The following GALNT17 variants were observed in gnomAD, a reference collection of about 807,000 sequenced individuals.
The protein encoded by GALNT17 is UDP-GalNAc:polypeptide N-acetylgalactosaminyltransferase-like 3.
GALNT17 carries 29 observed loss-of-function variants against 63.7 expected under a neutral mutation model. That is an observed-to-expected ratio of 0.46 (90% CI 0.34 to 0.62). The LOEUF (loss-of-function observed/expected upper bound fraction) is 0.62. GALNT17 is among the 20% of genes least tolerant of loss of function. The probability of loss-of-function intolerance (pLI) is 0.01; values close to 1 mark genes in which losing one functional copy is unlikely to be tolerated. For missense variants in GALNT17, 603 were observed against 799.6 expected, an observed-to-expected ratio of 0.75 and a Z score of 2.97; for synonymous variants, 305 against 318.3, an observed-to-expected ratio of 0.96 and a Z score of 0.45.
At chr7:71,247,457 C>CT (rs1189823073) in intron 1 of GALNT17, among the ~76,000 whole-genome samples, 3 of 151,198 alleles carry the variant, frequency 2.0e-5, no homozygotes, top group Admixed American at 6.6e-5. Context: ...TAATAGTCTA[C>CT]TTTTTTTTTC....
chr7:71,539,683 T>C (rs530524587), intron 5 of GALNT17, among the ~76,000 whole-genome samples: 3 of 151,230 alleles, frequency 2.0e-5, no homozygotes, highest in East Asian at 2.0e-4. Flanking sequence ...TGGACACATA[T>C]CTATTTCAGG....
chr7:71,426,658 C>A (rs1006774062), intron 5 of GALNT17, among the ~76,000 whole-genome samples: 1 of 152,162 alleles, frequency 6.6e-6, no homozygotes, highest in African/African-American at 2.4e-5. Context: ...CGGTGGCTCA[C>A]ACCTTTAATC....
intron 9 of GALNT17, among the ~76,000 whole-genome samples, chr7:71,682,029 C>T (rs952487317): frequency 4.6e-5 from 7 of 152,054 alleles, no homozygotes; most frequent in Non-Finnish European, 8.8e-5. Context: ...TGGGTTCAGG[C>T]GATTCTCCTG....
intron 6 of GALNT17, among the ~76,000 whole-genome samples, chr7:71,656,987 AG>A (rs1790837816): frequency 6.6e-6 from 1 of 152,210 alleles, no homozygotes; most frequent in Non-Finnish European, 1.5e-5. Context: ...CAGGGCACCC[AG>A]GGTTCTCAAT....
At position 71,670,120 on chromosome 7, in the gene GALNT17, C is replaced by T. The variant is rs769719468; in HGVS notation, c.1404+11C>T. 3 of 1,613,780 alleles carry T rather than the reference C, an allele frequency of 1.9e-6. No individual in the cohort carries two copies. The South Asian group carries it at 3.3e-5, about 18-fold the overall frequency. ...GTTGCTTACGGGGAGGTAATTCAGA[C>T]CGTGCATGCTTTTGGCTTGGAATGC... On this transcript the variant is annotated intron_variant, in intron 8 of 10. Transcript: ENST00000333538.
intron 2 of GALNT17, among the ~76,000 whole-genome samples, chr7:71,337,854 C>T (rs185728208): frequency 6.6e-6 from 1 of 151,638 alleles, no homozygotes; most frequent in Admixed American, 6.6e-5. Context: ...GGTGACAGAG[C>T]GAAACTCCAT....
At chr7:71,478,595 G>A (rs959137634) in intron 5 of GALNT17, among the ~76,000 whole-genome samples, 41 of 151,994 alleles carry the variant, frequency 2.7e-4, no homozygotes, top group African/African-American at 9.7e-4. Context: ...GGTTATCAGG[G>A]GTGAGCCACC....
At chr7:71,391,273 A>G (rs1264680707) in intron 3 of GALNT17, among the ~76,000 whole-genome samples, 1 of 152,134 alleles carries the variant, frequency 6.6e-6, no homozygotes, top group African/African-American at 2.4e-5. Context: ...CTCACTGCCA[A>G]TGGCGCACCC....
intron 1 of GALNT17, among the ~76,000 whole-genome samples, chr7:71,304,063 C>G (rs1424036976): frequency 6.6e-6 from 1 of 152,132 alleles, no homozygotes; most frequent in East Asian, 1.9e-4. Context: ...CAGAGCTTTT[C>G]ACTCTAATTT....
chr7:71,327,199 A>T (rs1159224938), intron 1 of GALNT17, among the ~76,000 whole-genome samples: 4 of 152,194 alleles, frequency 2.6e-5, no homozygotes, highest in Admixed American at 6.5e-5. Context: ...TTGGTAGTAC[A>T]TCAGTCCCTT....
At chr7:71,440,664 G>A (rs541002650) in intron 5 of GALNT17, among the ~76,000 whole-genome samples, 96 of 152,224 alleles carry the variant, frequency 6.3e-4, no homozygotes, top group African/African-American at 2.0e-3. Context: ...GTGAGCCACC[G>A]CGCCTGGCCA....
intron 6 of GALNT17, among the ~76,000 whole-genome samples, chr7:71,625,593 G>T (rs560441186): frequency 6.1e-4 from 93 of 152,240 alleles, no homozygotes; most frequent in African/African-American, 2.2e-3. Context: ...GCCTGGGAAG[G>T]TTCTGATTGA....
intron 1 of GALNT17, among the ~76,000 whole-genome samples, chr7:71,331,566 G>T (rs1003684034): frequency 5.3e-5 from 8 of 152,176 alleles, no homozygotes; most frequent in African/African-American, 1.4e-4. Flanking sequence ...TAAAAAATTA[G>T]CTAGGTTAGT....
At chr7:71,630,617 C>T (rs545899184) in intron 6 of GALNT17, among the ~76,000 whole-genome samples, 1 of 152,260 alleles carries the variant, frequency 6.6e-6, no homozygotes, top group African/African-American at 2.4e-5. Flanking sequence ...TAAAAATCAG[C>T]CAGCAAATGG....
chr7:71,710,415 A>G (rs544345649), intron 9 of GALNT17, among the ~76,000 whole-genome samples: 27 of 152,164 alleles, frequency 1.8e-4, no homozygotes, highest in African/African-American at 6.3e-4. Flanking sequence ...GGCTGAGGCA[A>G]GAGAATTGCT....
intron 5 of GALNT17, among the ~76,000 whole-genome samples, chr7:71,430,174 T>G (rs1043558849): frequency 6.6e-6 from 1 of 152,142 alleles, no homozygotes. Flanking sequence ...CAAAAAAAAC[T>G]ACCATAAATT....
chr7:71,523,689 C>T (rs528427621), intron 5 of GALNT17, among the ~76,000 whole-genome samples: 1 of 151,356 alleles, frequency 6.6e-6, no homozygotes, highest in South Asian at 2.1e-4. Flanking sequence ...CTGCAGAGAG[C>T]TATGATTGTG....
chr7:71,507,170 G>A (rs988234160), intron 5 of GALNT17, among the ~76,000 whole-genome samples: 1 of 152,172 alleles, frequency 6.6e-6, no homozygotes, highest in Non-Finnish European at 1.5e-5. Flanking sequence ...GGAGGTCGAG[G>A]CTGCAGTGAG....
intron 6 of GALNT17, among the ~76,000 whole-genome samples, chr7:71,655,826 G>T (rs1050904683): frequency 6.6e-6 from 1 of 152,190 alleles, no homozygotes; most frequent in Admixed American, 6.5e-5. Flanking sequence ...AGAAGCATCA[G>T]GGTGGTTCTG....
Sources: allele counts gnomAD v4.1 joint callset (sites outside exome capture counted in the v4.1 genomes callset), GRCh38; gene constraint gnomAD v4.1.1; transcripts MANE v1.5; gene names NCBI Gene and HGNC (gene_info 2026-07-23, HGNC 2026-07-21).